The following TAF2 variants were observed in gnomAD, a reference collection of about 807,000 sequenced individuals.
TAF2 encodes the protein transcription initiation factor TFIID subunit 2.
Under a neutral mutation model 138.5 loss-of-function variants are expected in TAF2, and 61 were observed. That is an observed-to-expected ratio of 0.44 (90% CI 0.36 to 0.54). The LOEUF is 0.54. Ranked by LOEUF, TAF2 falls within the 20% of genes least tolerant of loss-of-function variation. The pLI is 0.00. For synonymous variants in TAF2, 475 were observed against 469.9 expected, an observed-to-expected ratio of 1.01 and a Z score of -0.14; for missense variants, 1,090 against 1,427.9, an observed-to-expected ratio of 0.76 and a Z score of 3.81.
At chr8:119,775,957 A>G (rs1329765238) in intron 18 of TAF2, among the ~76,000 whole-genome samples, 2 of 152,348 alleles carry the variant, frequency 1.3e-5, no homozygotes, top group African/African-American at 4.8e-5. Flanking sequence ...ATTCTAATTT[A>G]GTATTAAATT....
chr8:119,813,348 G>C (rs950743482), intron 3 of TAF2, among the ~76,000 whole-genome samples: 1 of 152,192 alleles, frequency 6.6e-6, no homozygotes, highest in Non-Finnish European at 1.5e-5. Flanking sequence ...CCTTTACCAT[G>C]AGTCTACAAG....
At chr8:119,831,124 AC>A (rs1826417620) in intron 2 of TAF2, among the ~76,000 whole-genome samples, 1 of 152,066 alleles carries the variant, frequency 6.6e-6, no homozygotes, top group South Asian at 2.1e-4. Context: ...AAACAAACAA[AC>A]AAAAAACTTG....
chr8:119,741,275 G>C (rs890937602), intron 25 of TAF2, among the ~76,000 whole-genome samples: 2 of 152,144 alleles, frequency 1.3e-5, no homozygotes, highest in African/African-American at 4.8e-5. Flanking sequence ...TAATTGATTA[G>C]ACTCTCGGAA....
chr8:119,830,696 T>C (rs1826390370), intron 2 of TAF2, among the ~76,000 whole-genome samples: 1 of 152,220 alleles, frequency 6.6e-6, no homozygotes, highest in Non-Finnish European at 1.5e-5. Context: ...AATATATACA[T>C]ACATGGGTAA....
chr8:119,801,093 G>C (rs898389933), intron 6 of TAF2, among the ~76,000 whole-genome samples: 1 of 152,142 alleles, frequency 6.6e-6, no homozygotes, highest in Non-Finnish European at 1.5e-5. Flanking sequence ...AGGTTGAAGA[G>C]AGAATAAATC....
At chr8:119,744,146 AT>A in intron 24 of TAF2, 141 bp downstream of exon 24, 1 of 842,240 alleles carries the variant, frequency 1.2e-6, no homozygotes, top group East Asian at 2.6e-5. Context: ...AATTTATGTT[AT>A]AATCTGCTAC....
intron 11 of TAF2, 88 bp from the exon 12 acceptor site, chr8:119,789,834 A>G: frequency 1.6e-6 from 2 of 1,261,854 alleles, no homozygotes; most frequent in South Asian, 2.6e-5. Context: ...ACTTTATTGT[A>G]GTCAATTATA....
chr8:119,810,735 A>T (rs193204911), intron 3 of TAF2, among the ~76,000 whole-genome samples: 15 of 152,342 alleles, frequency 9.8e-5, no homozygotes, highest in Non-Finnish European at 7.4e-5. Flanking sequence ...ATAAAATTTG[A>T]TGATTGCAAA....
At chr8:119,758,687 C>T (rs1820862386) in intron 20 of TAF2, among the ~76,000 whole-genome samples, 1 of 152,104 alleles carries the variant, frequency 6.6e-6, no homozygotes, top group African/African-American at 2.4e-5. Context: ...TAGCTATTTC[C>T]ATTCACCTTT....
intron 18 of TAF2, among the ~76,000 whole-genome samples, chr8:119,771,743 T>A (rs1821854440): frequency 1.3e-5 from 2 of 152,212 alleles, no homozygotes; most frequent in Non-Finnish European, 2.9e-5. Flanking sequence ...ATAATAGTGG[T>A]GGACTTCAAC....
chr8:119,732,311 T>C, intron 25 of TAF2, 125 bp from the exon 26 acceptor site: 9 of 848,334 alleles, frequency 1.1e-5, no homozygotes, highest in South Asian at 8.7e-5. Context: ...CTATCAGGAA[T>C]GGGAGAAGTA....
rs12542706 is a variant in TAF2 at position 119,831,539 on chromosome 8, G to T, written c.138+138C>A. ...GGACCATGGAACTTGTAATCATACA[G>T]ACCCTAATTTTAATTCTTACCTATT... is the stretch of plus-strand genomic sequence containing the variant. On this transcript the variant is annotated intron_variant, in intron 2 of 25. Transcript: ENST00000378164. 6.8e-6 allele frequency: 4 copies of T among 590,348 alleles called. No individual in the cohort carries two copies. The East Asian group carries it at 1.2e-4, about 18-fold the overall frequency. The allele number at this position is 590,348 out of a possible 1,614,324, so 36.6% of individuals were successfully genotyped here.
intron 16 of TAF2, among the ~76,000 whole-genome samples, chr8:119,781,451 G>A (rs1223858582): frequency 6.6e-6 from 1 of 152,166 alleles, no homozygotes; most frequent in Non-Finnish European, 1.5e-5. Context: ...GCCGAGGCGG[G>A]TGAATCACCT....
chr8:119,796,935 A>T (rs1586463966), intron 8 of TAF2, 55 bp downstream of exon 8: 1 of 1,304,406 alleles, frequency 7.7e-7, no homozygotes, highest in East Asian at 2.3e-5. Context: ...CAGAGAAAGA[A>T]AAGAAAAATA....
At chr8:119,780,649 A>T (rs1356357579) in intron 17 of TAF2, among the ~76,000 whole-genome samples, 1 of 152,160 alleles carries the variant, frequency 6.6e-6, no homozygotes. Context: ...AAAAGTAAAA[A>T]AAGAGGCCGG....
rs568470659 is a variant in TAF2 at position 119,781,187 on chromosome 8, T to A, written c.2119A>T (p.Asn707Tyr). ...CCTGTCCATGTGCTCACCATTGAAT[T>A]TGCAATCTGCAAATAATTAGAAAAC... is the stretch of plus-strand genomic sequence containing the variant. ...SACFCLAKIANSMVSTWTGPP... is the reference protein window; with the variant it reads ...SACFCLAKIAYSMVSTWTGPP... The change falls in exon 17 of 26, where the codon AAT (asparagine) becomes TAT (tyrosine). Residue 707 changes from asparagine (N) to tyrosine (Y), a missense_variant. Transcript: ENST00000378164. The A allele has an allele frequency of 6.2e-7, 1 of 1,614,086 alleles. No individual in the cohort carries two copies. Among genetic ancestry groups the A allele is most frequent in the Non-Finnish European group, 8.5e-7 (1 of 1,180,010 alleles).
intron 3 of TAF2, among the ~76,000 whole-genome samples, chr8:119,811,750 G>A (rs867478785): frequency 2.8e-5 from 4 of 144,628 alleles, no homozygotes; most frequent in African/African-American, 1.0e-4. Context: ...AGCTTGCAGT[G>A]AGCCGGGATA....
chr8:119,753,361 C>T (rs945311658), intron 22 of TAF2, among the ~76,000 whole-genome samples: 2 of 152,062 alleles, frequency 1.3e-5, no homozygotes, highest in African/African-American at 4.8e-5. Flanking sequence ...AGATCAGATT[C>T]ATTCATTTAT....
rs1185177249 is a variant in TAF2, at chr8:119,797,806, T to C, written c.833A>G (p.Lys278Arg). 1 of 1,613,536 alleles carries C rather than the reference T, an allele frequency of 6.2e-7. No homozygotes were observed. Among genetic ancestry groups the C allele is most frequent in the Admixed American group, 1.7e-5 (1 of 59,976 alleles). ...FCLPQLLPLL[K>R]HTTSYLHEVF... ...TTCATGAAGGTATGATGTGGTATGT[T>C]TCAGCAATGGAAGAAGTTGGGGCAA... The change falls in exon 7 of 26, where the codon AAA becomes AGA. Residue 278 changes from lysine to arginine, a missense_variant. By Grantham distance (26) the Lys-to-Arg change is conservative. Transcript: ENST00000378164.
Sources: gnomAD v4.1 joint callset for allele counts (sites outside exome capture counted in the v4.1 genomes callset) on GRCh38, gnomAD v4.1.1 for gene constraint, MANE v1.5 for transcripts, NCBI Gene and HGNC (gene_info 2026-07-23, HGNC 2026-07-21) for gene names.